Variants in DOLPP1 observed in about 807,000 individuals in gnomAD.
DOLPP1 encodes dolichyl pyrophosphate phosphatase 1.
In DOLPP1, 15 loss-of-function variants were observed where a neutral mutation model predicts 34.1. That is an observed-to-expected ratio of 0.44 (90% CI 0.29 to 0.68). The LOEUF is 0.68. Ranked by LOEUF, DOLPP1 falls within the 30% of genes least tolerant of loss-of-function variation. The pLI, the probability that DOLPP1 is intolerant of heterozygous loss-of-function variation, is 0.12. For synonymous variants in DOLPP1, 130 were observed against 128.2 expected (o/e 1.01, Z -0.10); for missense variants, 249 against 307.1 (o/e 0.81, Z 1.41).
Position 129,085,095 on chromosome 9 carries a change from C to T in DOLPP1, c.250C>T (p.Arg84Trp), listed in dbSNP as rs1463718831. 5 of 1,595,866 alleles carry T rather than the reference C, an allele frequency of 3.1e-6. No homozygotes were observed. The highest frequency in any genetic ancestry group is 1.7e-5 in the Admixed American group (1 of 58,338). The change falls in exon 3 of 8, where the codon CGG becomes TGG. Residue 84 changes from arginine (R) to tryptophan (W), a missense_variant. Arg to Trp is a moderately radical substitution (Grantham distance 101, BLOSUM62 -3). Coordinates refer to ENST00000372546, the MANE Select transcript of DOLPP1 (RefSeq NM_020438.5). This position sits in a 1 kb window ranked among gnomAD's most constrained non-coding sequence, Gnocchi z 7.0. ...GATCAAAAACGTCATCCAGGAGCCACGGCCCTGTGGAGGTAGGGCCTCAGC... is the reference window on the plus strand; with the variant it reads ...GATCAAAAACGTCATCCAGGAGCCATGGCCCTGTGGAGGTAGGGCCTCAGC... ...WLIKNVIQEP[R>W]PCGGPHTAVG...
At chr9:129,081,291 A>C in intron 1 of DOLPP1, 84 bp downstream of exon 1, 1 of 1,540,950 alleles carries the variant, frequency 6.5e-7, no homozygotes, top group Non-Finnish European at 8.8e-7. Flanking sequence ...GAGCCCGCGG[A>C]GGGGGCGCCG....
intron 7 of DOLPP1, among the ~76,000 whole-genome samples, chr9:129,086,999 TAGTG>T (rs1175898518): frequency 1.3e-5 from 2 of 152,172 alleles, no homozygotes; most frequent in Admixed American, 6.5e-5. Context: ...ATCTTGCAGA[TAGTG>T]GGTGGGGGAG....
chr9:129,088,410 T>A (rs1414860731), intron 7 of DOLPP1, among the ~76,000 whole-genome samples: 1 of 151,918 alleles, frequency 6.6e-6, no homozygotes, highest in Non-Finnish European at 1.5e-5. Context: ...CTCTACTGAG[T>A]CTCTGTCAGC....
intron 1 of DOLPP1, among the ~76,000 whole-genome samples, chr9:129,081,480 A>G (rs545994082): frequency 3.9e-5 from 6 of 152,136 alleles, no homozygotes. Flanking sequence ...GTGGGCTGAA[A>G]TGGGTTGAGG....
intron 2 of DOLPP1, 97 bp downstream of exon 2, chr9:129,084,865 C>T: frequency 8.0e-7 from 1 of 1,250,644 alleles, no homozygotes; most frequent in East Asian, 2.4e-5. Context: ...GTTCTCATCC[C>T]TGCGTCCACC....
intron 1 of DOLPP1, among the ~76,000 whole-genome samples, chr9:129,082,400 TG>T (rs575479192): frequency 1.0e-3 from 152 of 152,356 alleles, no homozygotes; most frequent in African/African-American, 3.6e-3. Flanking sequence ...TGCTAGGCCC[TG>T]GGCTAGCTCT....
intron 7 of DOLPP1, among the ~76,000 whole-genome samples, chr9:129,087,215 G>T (rs554873596): frequency 6.6e-6 from 1 of 152,330 alleles, no homozygotes; most frequent in South Asian, 2.1e-4. Context: ...AGCAAGTCAG[G>T]ACAGAGCTGA....
At chr9:129,084,937 G>A in intron 2 of DOLPP1, 86 bp from the exon 3 acceptor site, 4 of 1,462,224 alleles carry the variant, frequency 2.7e-6, no homozygotes, top group Non-Finnish European at 3.8e-6. Flanking sequence ...GGGCTGGGAG[G>A]TTCAGTCAGA....
Position 129,085,570 on chromosome 9 carries a change from C to T in DOLPP1, c.415C>T (p.Leu139Phe). ...RFLDLLWRHV[L>F]SLGLLAVAFL... ...CCTGGACTTGCTGTGGAGGCACGTG[C>T]TCTCCCTGGGACTCCTCGCTGTGGC... Residue 139 changes from leucine (L) to phenylalanine (F), a missense_variant, in exon 5 of 8, where the codon CTC (leucine) becomes TTC (phenylalanine). Transcript: ENST00000372546. The surrounding 1 kb of genome is among the most constrained non-coding windows in gnomAD (Gnocchi z 7.0). 6.2e-7 allele frequency: 1 copy of T among 1,613,634 alleles called. No homozygotes were observed.
chr9:129,086,652 A>G (rs1846995723), intron 6 of DOLPP1, 57 bp from the exon 7 acceptor site: 16 of 1,545,928 alleles, frequency 1.0e-5, no homozygotes, highest in Middle Eastern at 3.4e-4. Context: ...GATGGCTGGC[A>G]TGGTAACAGA....
Position 129,085,020 on chromosome 9 carries a change from C to A in DOLPP1, c.178-3C>A. On this transcript the variant is annotated splice_region_variant and splice_polypyrimidine_tract_variant and intron_variant, in intron 2 of 7. Transcript: ENST00000372546. This position sits in a 1 kb window ranked among gnomAD's most constrained non-coding sequence, Gnocchi z 7.0. ...CCAGCTGACCATGCGTCTTCCCCAGCAGATCTCCTTCCTTGGGGGCCTGGC... is the reference window on the plus strand; with the variant it reads ...CCAGCTGACCATGCGTCTTCCCCAGAAGATCTCCTTCCTTGGGGGCCTGGC... 1 of 1,561,628 alleles carries A rather than the reference C, an allele frequency of 6.4e-7. No homozygotes were observed. The highest frequency in any genetic ancestry group is 8.7e-7 in the Non-Finnish European group (1 of 1,155,114).
At position 129,084,978 on chromosome 9, in the gene DOLPP1, A is replaced by C. The variant is rs553612536; in HGVS notation, c.178-45A>C. On this transcript the variant is annotated intron_variant, in intron 2 of 7. Coordinates refer to ENST00000372546, the MANE Select transcript of DOLPP1 (RefSeq NM_020438.5). ...TGGTCTTTGGGACTAGGTAGCAGCC[A>C]ACAGGTGCACAGAGGCCCAGCTGAC... 13 of 1,542,648 alleles carry C rather than the reference A, an allele frequency of 8.4e-6. No individual in the cohort carries two copies. In the South Asian group the frequency reaches 1.6e-4, roughly 19 times the overall value.
intron 1 of DOLPP1, among the ~76,000 whole-genome samples, chr9:129,081,738 C>T (rs1207790028): frequency 6.6e-6 from 1 of 152,228 alleles, no homozygotes; most frequent in East Asian, 1.9e-4. Flanking sequence ...CAGAGAGGAC[C>T]CGATGAGGGG....
At position 129,085,175 on chromosome 9, in the gene DOLPP1, C is replaced by T. The variant is rs1210949476; in HGVS notation, c.263-32C>T. The T allele has an allele frequency of 1.9e-6, 3 of 1,610,294 alleles. No individual in the cohort carries two copies. Among genetic ancestry groups the T allele is most frequent in the Admixed American group, 1.7e-5 (1 of 59,998 alleles). The stretch of plus-strand genomic sequence containing the variant: ...GGCGTTACTGGGAGGTCTGCATCCC[C>T]CCGTGATGCCCTGGTCTCCTCTCTC... On this transcript the variant is annotated intron_variant, in intron 3 of 7. Transcript: ENST00000372546. This position sits in a 1 kb window ranked among gnomAD's most constrained non-coding sequence, Gnocchi z 7.0.
chr9:129,084,926 TG>T, intron 2 of DOLPP1, 96 bp from the exon 3 acceptor site: 1 of 1,406,518 alleles, frequency 7.1e-7, no homozygotes, highest in Non-Finnish European at 9.8e-7. Flanking sequence ...ACTCACCTGT[TG>T]GGCTGGGAGG....
chr9:129,084,957 C>T, intron 2 of DOLPP1, 66 bp from the exon 3 acceptor site: 1 of 1,523,080 alleles, frequency 6.6e-7, no homozygotes, highest in South Asian at 1.2e-5. Flanking sequence ...AGGCCATGGT[C>T]TTTGGGACTA....
intron 1 of DOLPP1, among the ~76,000 whole-genome samples, chr9:129,082,070 C>T (rs1189341792): frequency 1.3e-5 from 2 of 152,222 alleles, no homozygotes; most frequent in African/African-American, 4.8e-5. Context: ...AGTAAGCGTT[C>T]AGTAAATACC....
chr9:129,085,700 AC>A lies in DOLPP1; in HGVS notation c.461+87del. 1 of 1,105,620 alleles carries A rather than the reference AC, an allele frequency of 9.0e-7. No homozygotes were observed. Among genetic ancestry groups the A allele is most frequent in the Non-Finnish European group, 1.3e-6 (1 of 767,046 alleles). 68.5% of individuals were successfully genotyped at this position (1,105,620 alleles called of 1,614,324 possible). Reference sequence around the variant, plus strand: ...TGGTCCCTGTCGGACCCCACCATGGACCCTAGTCCCAGAACCTGTAGTGCAG... The same window carrying A: ...TGGTCCCTGTCGGACCCCACCATGGACCTAGTCCCAGAACCTGTAGTGCAG... On this transcript the variant is annotated intron_variant, in intron 5 of 7. Coordinates refer to ENST00000372546, the MANE Select transcript of DOLPP1 (RefSeq NM_020438.5). This position sits in a 1 kb window ranked among gnomAD's most constrained non-coding sequence, Gnocchi z 7.0.
chr9:129,086,609 G>A, intron 6 of DOLPP1, 100 bp from the exon 7 acceptor site: 1 of 1,227,206 alleles, frequency 8.1e-7, no homozygotes, highest in Non-Finnish European at 1.2e-6. Flanking sequence ...GGCAGTCGGG[G>A]CGGGTGCCGT....
Sources: gnomAD v4.1 joint callset for allele counts (sites outside exome capture counted in the v4.1 genomes callset) on GRCh38, gnomAD v4.1.1 for gene constraint, Gnocchi (gnomAD v3.1) non-coding constraint, MANE v1.5 for transcripts, NCBI Gene and HGNC (gene_info 2026-07-23, HGNC 2026-07-21) for gene names.